ADAM22: variants seen among roughly 807,000 people sequenced by gnomAD.
The protein encoded by ADAM22 is ADAM metallopeptidase domain 22.
ADAM22 carries 65 observed loss-of-function variants against 144.6 expected under a neutral mutation model. That is an observed-to-expected ratio of 0.45 (90% confidence interval 0.37 to 0.55). The LOEUF (loss-of-function observed/expected upper bound fraction) is 0.55, where lower values mean the gene tolerates loss of function less well. Among genes scored for constraint, ADAM22 ranks in the 20% least tolerant of loss-of-function variants. The pLI, the probability that ADAM22 is intolerant of heterozygous loss-of-function variation, is 0.00. For missense variants in ADAM22, 974 were observed against 1,184.9 expected, an observed-to-expected ratio of 0.82 and a Z score of 2.61; for synonymous variants, 391 against 412.6, an observed-to-expected ratio of 0.95 and a Z score of 0.63.
intron 2 of ADAM22, among the ~76,000 whole-genome samples, chr7:87,963,842 G>A (rs536447310): frequency 2.6e-5 from 4 of 152,264 alleles, no homozygotes; most frequent in South Asian, 2.1e-4. Context: ...CAAGTTCAAT[G>A]AGCCTTTGAT....
chr7:88,102,837 A>G (rs1823308291), intron 4 of ADAM22, among the ~76,000 whole-genome samples: 1 of 152,156 alleles, frequency 6.6e-6, no homozygotes. Context: ...TGTACTTTAC[A>G]TTGTTATCTC....
intron 2 of ADAM22, among the ~76,000 whole-genome samples, chr7:87,974,428 G>A (rs1688886): frequency 0.58 from 87,916 of 152,084 alleles, 26,129 homozygotes; most frequent in African/African-American, 0.71. Context: ...CAGAAAATGC[G>A]AAGAAACCAG....
chr7:88,140,303 C>T (rs1423974341), intron 14 of ADAM22, among the ~76,000 whole-genome samples: 1 of 152,028 alleles, frequency 6.6e-6, no homozygotes, highest in Non-Finnish European at 1.5e-5. Flanking sequence ...GTCCCTGCTT[C>T]TCAGCTGAGC....
intron 4 of ADAM22, among the ~76,000 whole-genome samples, chr7:88,099,219 T>G (rs1304699167): frequency 1.3e-5 from 2 of 152,206 alleles, no homozygotes; most frequent in Non-Finnish European, 2.9e-5. Flanking sequence ...TTTATCCTAC[T>G]TACAAGTTAA....
chr7:88,130,965 G>A (rs1831622192), intron 10 of ADAM22, among the ~76,000 whole-genome samples: 1 of 152,072 alleles, frequency 6.6e-6, no homozygotes, highest in Non-Finnish European at 1.5e-5. Flanking sequence ...TTGGCTAGGG[G>A]AACTCAAGCA....
intron 31 of ADAM22, among the ~76,000 whole-genome samples, chr7:88,195,042 A>C (rs1001094927): frequency 1.3e-5 from 2 of 152,226 alleles, no homozygotes; most frequent in African/African-American, 4.8e-5. Flanking sequence ...AAGGGAACCT[A>C]TATAGAAACA....
intron 4 of ADAM22, among the ~76,000 whole-genome samples, chr7:88,077,411 C>T (rs1049844503): frequency 5.3e-5 from 8 of 152,164 alleles, no homozygotes; most frequent in South Asian, 2.1e-4. Flanking sequence ...CAGCTCCCAG[C>T]GTGAGCGATG....
intron 28 of ADAM22, 47 bp downstream of exon 28, chr7:88,181,652 A>T: frequency 6.7e-7 from 1 of 1,497,274 alleles, no homozygotes; most frequent in Non-Finnish European, 9.3e-7. Context: ...ATCAAGTTCT[A>T]TATTCTGTGG....
At chr7:88,150,319 A>G (rs1837962083) in intron 18 of ADAM22, among the ~76,000 whole-genome samples, 1 of 152,212 alleles carries the variant, frequency 6.6e-6, no homozygotes, top group Non-Finnish European at 1.5e-5. Context: ...CGTTTTTGCA[A>G]AATGGCACAT....
intron 2 of ADAM22, among the ~76,000 whole-genome samples, chr7:87,973,386 A>C (rs1300465734): frequency 7.5e-6 from 1 of 134,038 alleles, no homozygotes; most frequent in African/African-American, 3.0e-5. Flanking sequence ...AACCACAATG[A>C]GATACCATCT....
At position 88,150,996 on chromosome 7, in the gene ADAM22, C is replaced by T; in HGVS notation, c.1582C>T (p.His528Tyr). 6.2e-7 allele frequency: 1 copy of T among 1,613,614 alleles called. No homozygotes were observed. The highest frequency in any genetic ancestry group is 1.1e-5 in the South Asian group (1 of 91,028). ...GNSSQCAPNI[H>Y]KMDGYSCDGV... ...TTTTTCCTAGTGTGCCCCTAATATTCATAAAATGGATGGATATTCATGTGA... is the reference window on the plus strand; with the variant it reads ...TTTTTCCTAGTGTGCCCCTAATATTTATAAAATGGATGGATATTCATGTGA... Residue 528 changes from histidine (H) to tyrosine (Y), a missense_variant, in exon 19 of 32, where the codon CAT (histidine) becomes TAT (tyrosine). By Grantham distance (83) the His-to-Tyr change is moderately conservative (BLOSUM62 2). Coordinates refer to ENST00000413139, the MANE Select transcript of ADAM22 (RefSeq NM_001324418.2).
intron 12 of ADAM22, among the ~76,000 whole-genome samples, chr7:88,133,520 C>T (rs1448867350): frequency 6.6e-6 from 1 of 151,956 alleles, no homozygotes; most frequent in Non-Finnish European, 1.5e-5. Flanking sequence ...GGAATAATTT[C>T]CAGATTAAGC....
chr7:88,193,706 T>C (rs1350982071), intron 31 of ADAM22, among the ~76,000 whole-genome samples: 1 of 152,226 alleles, frequency 6.6e-6, no homozygotes, highest in Non-Finnish European at 1.5e-5. Context: ...TCTGTTGTGG[T>C]CATTTACACT....
chr7:88,195,933 C>T (rs1485518874), intron 31 of ADAM22, among the ~76,000 whole-genome samples: 1 of 152,090 alleles, frequency 6.6e-6, no homozygotes, highest in Admixed American at 6.5e-5. Flanking sequence ...GGTTTTCTGT[C>T]GTGGCTGCAC....
At chr7:88,113,703 A>AATAAATAAATAAATATGTATATATAT in intron 5 of ADAM22, among the ~76,000 whole-genome samples, 1 of 48,108 alleles carries the variant, frequency 2.1e-5, no homozygotes, top group East Asian at 1.4e-3. Flanking sequence ...TAAATAAATA[A>AATAAATAAATAAATATGTATATATAT]ATATATATAT....
chr7:88,163,617 C>CGT (rs1249921292), intron 23 of ADAM22, among the ~76,000 whole-genome samples: 4 of 151,916 alleles, frequency 2.6e-5, no homozygotes, highest in African/African-American at 4.8e-5. Context: ...GCCACACCAG[C>CGT]GTGTACAAGC....
At chr7:87,939,402 T>G (rs2131224315) in intron 2 of ADAM22, among the ~76,000 whole-genome samples, 1 of 152,338 alleles carries the variant, frequency 6.6e-6, no homozygotes, top group African/African-American at 2.4e-5. Context: ...ATTTGGAATT[T>G]GTCCTGAAGG....
rs991124132 is a variant in ADAM22 at position 88,198,680 on chromosome 7, T to C, written c.*2189T>C. The stretch of plus-strand genomic sequence containing the variant: ...GCTTCCTAGTTACAGGTACACAAAC[T>C]CTAATTTGAAAGAATCCACAAATGG... On this transcript the variant is annotated 3_prime_UTR_variant, in exon 32 of 32. Transcript: ENST00000413139. 1 of 152,204 alleles carries C rather than the reference T, an allele frequency of 6.6e-6. No individual in the cohort carries two copies. The highest frequency in any genetic ancestry group is 1.5e-5 in the Non-Finnish European group (1 of 68,034). The allele number at this position is 152,204 out of a possible 1,614,324, so 9.4% of individuals were successfully genotyped here.
intron 2 of ADAM22, among the ~76,000 whole-genome samples, chr7:87,955,313 G>T (rs1347903250): frequency 1.3e-5 from 2 of 152,022 alleles, no homozygotes; most frequent in African/African-American, 4.8e-5. Flanking sequence ...TGGGTTTTTG[G>T]TGTGGATGTT....
Sources: allele counts gnomAD v4.1 joint callset (sites outside exome capture counted in the v4.1 genomes callset), GRCh38; gene constraint gnomAD v4.1.1; transcripts MANE v1.5; gene names NCBI Gene and HGNC (gene_info 2026-07-23, HGNC 2026-07-21).